The following USP54 variants were observed in gnomAD, a reference collection of about 807,000 sequenced individuals.
USP54 encodes the protein ubiquitin carboxyl-terminal hydrolase 54.
A neutral mutation model predicts 170.5 loss-of-function variants in USP54; 87 were observed. The ratio of observed to expected loss-of-function variants is 0.51; its 90% CI spans 0.43 to 0.61. USP54 has a LOEUF of 0.61. USP54 is among the 20% of genes least tolerant of loss of function. The probability of loss-of-function intolerance (pLI) is 0.00; values close to 1 mark genes in which losing one functional copy is unlikely to be tolerated. For synonymous variants in USP54, 655 were observed against 742.8 expected, an observed-to-expected ratio of 0.88 and a Z score of 1.92; for missense variants, 1,786 against 2,047.8, an observed-to-expected ratio of 0.87 and a Z score of 2.47.
intron 16 of USP54, among the ~76,000 whole-genome samples, chr10:73,524,409 G>C (rs1022179070): frequency 6.6e-6 from 1 of 151,408 alleles, no homozygotes; most frequent in Non-Finnish European, 1.5e-5. Flanking sequence ...GTGAAACCCC[G>C]TCTCTACTAA....
chr10:73,504,745 C>A (rs2058791396), intron 22 of USP54, 105 bp downstream of exon 22: 1 of 1,479,458 alleles, frequency 6.8e-7, no homozygotes, highest in African/African-American at 1.4e-5. Flanking sequence ...CAGGGCCTTT[C>A]CTCACATTAC....
intron 4 of USP54, among the ~76,000 whole-genome samples, chr10:73,564,453 T>C (rs1338970192): frequency 6.6e-6 from 1 of 152,248 alleles, no homozygotes; most frequent in Non-Finnish European, 1.5e-5. Context: ...AAGTTTCCTA[T>C]ATGACTATTT....
At chr10:73,597,571 C>G (rs372512810) in intron 1 of USP54, among the ~76,000 whole-genome samples, 2 of 152,202 alleles carry the variant, frequency 1.3e-5, no homozygotes, top group East Asian at 3.8e-4. Flanking sequence ...ACACTCCCCA[C>G]TCTCTGGCCC....
intron 1 of USP54, among the ~76,000 whole-genome samples, chr10:73,624,051 A>G (rs2081284134): frequency 6.6e-6 from 1 of 151,376 alleles, no homozygotes; most frequent in African/African-American, 2.4e-5. Context: ...TTCTACTTTA[A>G]TGTTTAGCTG....
chr10:73,541,339 A>ACTAAGCAATACTAAG, intron 9 of USP54, 36 bp downstream of exon 9: 1 of 1,613,012 alleles, frequency 6.2e-7, no homozygotes. Flanking sequence ...AAGACGCAAG[A>ACTAAGCAATACTAAG]ACTCAAAGTG....
intron 20 of USP54, among the ~76,000 whole-genome samples, chr10:73,511,226 A>G (rs1490824516): frequency 3.3e-5 from 5 of 151,604 alleles, no homozygotes; most frequent in African/African-American, 1.2e-4. Context: ...AAATGAAAAC[A>G]CTTTAAAACT....
intron 1 of USP54, among the ~76,000 whole-genome samples, chr10:73,623,609 C>A (rs559736145): frequency 6.6e-6 from 1 of 152,286 alleles, no homozygotes; most frequent in East Asian, 1.9e-4. Context: ...CATGATCTTG[C>A]CACTGCACTC....
intron 20 of USP54, among the ~76,000 whole-genome samples, chr10:73,513,806 T>C (rs1323662407): frequency 2.0e-5 from 3 of 152,164 alleles, no homozygotes; most frequent in East Asian, 1.9e-4. Context: ...TTTTGGGTAA[T>C]ACAAATTTTT....
chr10:73,516,891 CT>C lies in USP54; in HGVS notation c.3534del (p.Gly1179AlafsTer32), dbSNP rs2061166233. The C allele has an allele frequency of 6.2e-7, 1 of 1,614,134 alleles. No homozygotes were observed. The highest frequency in any genetic ancestry group is 1.3e-5 in the African/African-American group (1 of 74,952). On this transcript the variant is annotated frameshift_variant, in exon 20 of 24. Transcript: ENST00000687698. LOFTEE classifies it high-confidence loss of function. ...SKPPFSQGQEKGHWPWAKQQS... is the reference protein window; with the variant it reads ...SKPPFSQGQEXGHWPWAKQQS... ...TGTTGCTTTGCCCATGGCCAGTGGC[CT>C]TTCTCTTGACCCTGTGAGAAAGGAG...
At chr10:73,550,606 G>A (rs923929143) in intron 4 of USP54, among the ~76,000 whole-genome samples, 1 of 152,010 alleles carries the variant, frequency 6.6e-6, no homozygotes. Context: ...GACAGTACTG[G>A]CATACAAAGT....
At position 73,517,757 on chromosome 10, in the gene USP54, A is replaced by G. The variant is rs1313094289; in HGVS notation, c.2679-10T>C. ...CGGGATAGGCTGTTCACTGAAACAA[A>G]TGGAGAGAGCTAGTCATAAGCTGCC... is the stretch of plus-strand genomic sequence containing the variant. On this transcript the variant is annotated splice_polypyrimidine_tract_variant and intron_variant, in intron 19 of 23. Transcript: ENST00000687698. 1 of 1,603,238 alleles carries G rather than the reference A, an allele frequency of 6.2e-7. No homozygotes were observed. The highest frequency in any genetic ancestry group is 1.1e-5 in the South Asian group (1 of 89,240).
intron 1 of USP54, among the ~76,000 whole-genome samples, chr10:73,622,783 T>C (rs1416968327): frequency 6.6e-6 from 1 of 151,666 alleles, no homozygotes; most frequent in African/African-American, 2.4e-5. Flanking sequence ...GGAGATCCTG[T>C]CTCTAGAAAA....
chr10:73,530,313 C>A lies in USP54; in HGVS notation c.1658G>T (p.Arg553Leu). 2 of 1,614,118 alleles carry A rather than the reference C, an allele frequency of 1.2e-6. No individual in the cohort carries two copies. Among genetic ancestry groups the A allele is most frequent in the Non-Finnish European group, 1.7e-6 (2 of 1,180,034 alleles). ...GCTGGTACTCTCTATTTCCCAGTCA[C>A]GAGAGTGTAAAGGCAGGGTCCTAGG... ...KPPRTLPLHS[R>L]DWEIESTSSE... Residue 553 changes from arginine (R) to leucine (L), a missense_variant, in exon 14 of 24, where the codon CGT becomes CTT. Arg to Leu is a moderately radical substitution (Grantham distance 102, BLOSUM62 -2). Coordinates refer to ENST00000687698, the MANE Select transcript of USP54 (RefSeq NM_001391956.1).
At chr10:73,513,351 G>C (rs982652737) in intron 20 of USP54, 2 of 152,126 alleles carry the variant, frequency 1.3e-5, no homozygotes, top group Admixed American at 6.5e-5. Flanking sequence ...TATGGTTCCA[G>C]CTACTCGGGA....
intron 15 of USP54, 117 bp downstream of exon 15, chr10:73,529,563 C>T: frequency 8.7e-7 from 1 of 1,143,722 alleles, no homozygotes; most frequent in Non-Finnish European, 1.3e-6. Flanking sequence ...TGAAAGAGCA[C>T]ATAGAGATAA....
At chr10:73,591,391 G>A (rs1387891187), upstream of USP54, 1 of 152,142 alleles carries the variant, frequency 6.6e-6, no homozygotes, top group Non-Finnish European at 1.5e-5. Context: ...GGGGAGGGAA[G>A]GCTAGGAGGG....
chr10:73,594,845 T>C (rs1484549629), upstream of USP54, among the ~76,000 whole-genome samples: 2 of 152,018 alleles, frequency 1.3e-5, no homozygotes, highest in East Asian at 3.9e-4. Context: ...TAAGGAAGAA[T>C]ATACCATGAA....
In USP54 at chr10:73,505,418, C is replaced by T. The variant is rs568350494; in HGVS notation, c.4060G>A (p.Asp1354Asn). Residue 1354 changes from aspartate (D) to asparagine (N), a missense_variant, in exon 21 of 24, where the codon GAT (aspartate) becomes AAT (asparagine). By Grantham distance (23) the Asp-to-Asn change is conservative. Coordinates refer to ENST00000687698, the MANE Select transcript of USP54 (RefSeq NM_001391956.1). Reference protein sequence around the residue: ...WHPLSQTGSADGMGRRLHSAH... With the variant: ...WHPLSQTGSANGMGRRLHSAH... The stretch of plus-strand genomic sequence containing the variant: ...GAGTGCAACCTCCTCCCCATGCCAT[C>T]TGCAGAGCCTGAAGAGGAAAACACA... 70 of 1,613,920 alleles carry T rather than the reference C, an allele frequency of 4.3e-5. No individual in the cohort carries two copies. In the South Asian group the frequency reaches 6.3e-4, roughly 14 times the overall value.
chr10:73,623,033 A>G (rs555190567), intron 1 of USP54, among the ~76,000 whole-genome samples: 2 of 152,006 alleles, frequency 1.3e-5, no homozygotes, highest in South Asian at 4.2e-4. Flanking sequence ...GAAACTTACT[A>G]TGTGTTTCAC....
Sources: gnomAD v4.1 joint callset for allele counts (sites outside exome capture counted in the v4.1 genomes callset) on GRCh38, gnomAD v4.1.1 for gene constraint, MANE v1.5 for transcripts, NCBI Gene and HGNC (gene_info 2026-07-23, HGNC 2026-07-21) for gene names.